The following PLCB1 variants were observed in gnomAD, a reference collection of about 807,000 sequenced individuals.
PLCB1 encodes the protein 1-phosphatidylinositol 4,5-bisphosphate phosphodiesterase beta-1.
A neutral mutation model predicts 161.8 loss-of-function variants in PLCB1; 46 were observed. The observed-to-expected ratio is 0.28, with a 90% confidence interval of 0.22 to 0.36. PLCB1 has a LOEUF of 0.36. Among genes scored for constraint, PLCB1 ranks in the 10% least tolerant of loss-of-function variants. The probability of loss-of-function intolerance (pLI) is 1.00; values close to 1 mark genes in which losing one functional copy is unlikely to be tolerated. For missense variants in PLCB1, 1,016 were observed against 1,472.5 expected (o/e 0.69, Z 5.07); for synonymous variants, 517 against 503.7 (o/e 1.03, Z -0.35).
At chr20:8,344,753 C>G (rs1985937228) in intron 2 of PLCB1, among the ~76,000 whole-genome samples, 1 of 152,208 alleles carries the variant, frequency 6.6e-6, no homozygotes, top group African/African-American at 2.4e-5. Context: ...TGGTGTAACT[C>G]ACAAAGGCAA....
chr20:8,538,619 G>T (rs1348553901), intron 3 of PLCB1, among the ~76,000 whole-genome samples: 2 of 152,068 alleles, frequency 1.3e-5, no homozygotes, highest in Non-Finnish European at 2.9e-5. Context: ...AAAGTGTTGG[G>T]ATTACAGGTA....
intron 3 of PLCB1, among the ~76,000 whole-genome samples, chr20:8,455,583 G>A (rs1292407528): frequency 1.3e-5 from 2 of 151,276 alleles, no homozygotes; most frequent in African/African-American, 4.9e-5. Flanking sequence ...TGGGACTACC[G>A]GCACCCGCCA....
At chr20:8,870,096 A>G (rs896882594) in intron 31 of PLCB1, among the ~76,000 whole-genome samples, 1 of 152,196 alleles carries the variant, frequency 6.6e-6, no homozygotes, top group African/African-American at 2.4e-5. Flanking sequence ...TAGACTCCTC[A>G]TCTCTCATAA....
At chr20:8,665,101 C>G (rs73078015) in intron 9 of PLCB1, among the ~76,000 whole-genome samples, 1 of 152,264 alleles carries the variant, frequency 6.6e-6, no homozygotes, top group Non-Finnish European at 1.5e-5. Context: ...GATGTGCTTC[C>G]TAAAGGAAGG....
At chr20:8,498,166 C>T (rs1207909952) in intron 3 of PLCB1, among the ~76,000 whole-genome samples, 3 of 152,180 alleles carry the variant, frequency 2.0e-5, no homozygotes, top group Non-Finnish European at 4.4e-5. Context: ...GGCACGATCT[C>T]AGCTCACTGC....
At chr20:8,220,321 A>G (rs1424110514) in intron 2 of PLCB1, among the ~76,000 whole-genome samples, 1 of 152,222 alleles carries the variant, frequency 6.6e-6, no homozygotes, top group Non-Finnish European at 1.5e-5. Flanking sequence ...GAATCAGATT[A>G]GGGCTTATTC....
intron 2 of PLCB1, among the ~76,000 whole-genome samples, chr20:8,292,078 C>T (rs1010430268): frequency 1.3e-5 from 2 of 152,212 alleles, no homozygotes; most frequent in African/African-American, 4.8e-5. Context: ...CTTTCAAATA[C>T]CTCAAAGTAC....
intron 2 of PLCB1, among the ~76,000 whole-genome samples, chr20:8,363,106 G>A (rs1286612074): frequency 6.6e-6 from 1 of 152,090 alleles, no homozygotes; most frequent in African/African-American, 2.4e-5. Flanking sequence ...GCCAAGATAC[G>A]TAAATTCATT....
chr20:8,358,630 T>C (rs1234250982), intron 2 of PLCB1, among the ~76,000 whole-genome samples: 3 of 152,190 alleles, frequency 2.0e-5, no homozygotes, highest in Non-Finnish European at 4.4e-5. Context: ...ATATTTTTGA[T>C]ATGTAACAGA....
At chr20:8,712,891 T>C (rs571717981) in intron 12 of PLCB1, among the ~76,000 whole-genome samples, 1 of 152,342 alleles carries the variant, frequency 6.6e-6, no homozygotes, top group Admixed American at 6.5e-5. Context: ...CCTCTCACTT[T>C]GTCCCCATGG....
At chr20:8,716,005 T>A (rs1979289364) in intron 12 of PLCB1, 1 of 386,666 alleles carries the variant, frequency 2.6e-6, no homozygotes, top group African/African-American at 2.0e-5. Context: ...TTACAGCAAA[T>A]GACATGCTGT....
chr20:8,729,585 T>TA (rs1392016219), intron 18 of PLCB1: 2 of 153,522 alleles, frequency 1.3e-5, no homozygotes, highest in African/African-American at 4.8e-5. Context: ...ATGCTTTTTT[T>TA]ATGTAACTAC....
intron 2 of PLCB1, among the ~76,000 whole-genome samples, chr20:8,273,445 A>G (rs1982381072): frequency 6.6e-6 from 1 of 152,164 alleles, no homozygotes; most frequent in Admixed American, 6.6e-5. Flanking sequence ...TATTTTATAT[A>G]TACATCATTT....
chr20:8,824,554 C>T (rs1208713201), intron 31 of PLCB1, among the ~76,000 whole-genome samples: 3 of 151,696 alleles, frequency 2.0e-5, no homozygotes, highest in African/African-American at 7.3e-5. Flanking sequence ...CTGCAAGTAG[C>T]CTTAAGGGCA....
At chr20:8,662,624 A>G (rs1351786058) in intron 9 of PLCB1, among the ~76,000 whole-genome samples, 8 of 147,456 alleles carry the variant, frequency 5.4e-5, no homozygotes, top group Admixed American at 2.1e-4. Flanking sequence ...TAATTAATAT[A>G]ATATATAAAT....
intron 3 of PLCB1, among the ~76,000 whole-genome samples, chr20:8,620,747 C>CAAA (rs779029928): frequency 0.027 from 1,992 of 75,098 alleles, 44 homozygotes; most frequent in African/African-American, 0.097. Context: ...CTGCCCCCAC[C>CAAA]AAAAAAAAAA....
intron 2 of PLCB1, among the ~76,000 whole-genome samples, chr20:8,198,664 A>G (rs995677475): frequency 9.2e-5 from 14 of 151,912 alleles, no homozygotes; most frequent in Middle Eastern, 3.4e-3. Flanking sequence ...TCTTTTTTTT[A>G]TATTGCCTCA....
chr20:8,401,883 A>G (rs1328453550), intron 3 of PLCB1, among the ~76,000 whole-genome samples: 2 of 152,166 alleles, frequency 1.3e-5, no homozygotes, highest in Non-Finnish European at 2.9e-5. Context: ...TGAAAGGAGA[A>G]CCAGTGATTA....
intron 2 of PLCB1, among the ~76,000 whole-genome samples, chr20:8,233,874 G>A (rs761143437): frequency 3.9e-5 from 6 of 152,126 alleles, no homozygotes; most frequent in South Asian, 2.1e-4. Flanking sequence ...TTCACTCAAC[G>A]TGGTGTTTGT....
Sources: gnomAD v4.1 joint callset for allele counts (sites outside exome capture counted in the v4.1 genomes callset) on GRCh38, gnomAD v4.1.1 for gene constraint, MANE v1.5 for transcripts, NCBI Gene and HGNC (gene_info 2026-07-23, HGNC 2026-07-21) for gene names.